The following ANKRD36 variants were observed in gnomAD, a reference collection of about 807,000 sequenced individuals.
ANKRD36 encodes ankyrin repeat domain 36, also known as ankyrin repeat domain-containing protein 36A.
A neutral mutation model predicts 278.1 loss-of-function variants in ANKRD36; 179 were observed. The ratio of observed to expected loss-of-function variants is 0.64; its 90% CI spans 0.57 to 0.73. The LOEUF is 0.73. Ranked by LOEUF, ANKRD36 falls within the 30% of genes least tolerant of loss-of-function variation. ANKRD36 has a pLI of 0.00. For synonymous variants in ANKRD36, 320 were observed against 641.1 expected, an observed-to-expected ratio of 0.50 and a Z score of 7.57; for missense variants, 1,159 against 1,956.7, an observed-to-expected ratio of 0.59 and a Z score of 7.69.
At chr2:97,242,280 C>G (rs1191129805) in intron 69 of ANKRD36, among the ~76,000 whole-genome samples, 1 of 137,898 alleles carries the variant, frequency 7.3e-6, no homozygotes, top group Non-Finnish European at 1.5e-5. Flanking sequence ...TAGTAGGAGA[C>G]TCCCTCTCAA....
chr2:97,222,062 C>T (rs1173097523), intron 66 of ANKRD36, among the ~76,000 whole-genome samples: 1 of 151,734 alleles, frequency 6.6e-6, no homozygotes, highest in African/African-American at 2.4e-5. Flanking sequence ...TTGTTTTTCT[C>T]AGGTTTGTCA....
chr2:97,198,338 A>G (rs1373810865), intron 42 of ANKRD36, 125 bp from the exon 43 acceptor site: 1 of 1,526,774 alleles, frequency 6.5e-7, no homozygotes, highest in East Asian at 2.5e-5. Context: ...GACACAAAGT[A>G]GAAGCCATCA....
At chr2:97,166,874 TTTA>T (rs2050844525) in intron 20 of ANKRD36, among the ~76,000 whole-genome samples, 1 of 152,128 alleles carries the variant, frequency 6.6e-6, no homozygotes, top group Admixed American at 6.6e-5. Context: ...GTATTATTTA[TTTA>T]TTTATTTTAT....
chr2:97,201,261 T>C (rs867028925), intron 46 of ANKRD36, among the ~76,000 whole-genome samples: 1 of 151,888 alleles, frequency 6.6e-6, no homozygotes, highest in Non-Finnish European at 1.5e-5. Context: ...TATGAATATG[T>C]TGGTTTCCTT....
intron 32 of ANKRD36, among the ~76,000 whole-genome samples, chr2:97,188,527 A>T (rs1352960711): frequency 6.7e-6 from 1 of 149,970 alleles, no homozygotes; most frequent in Non-Finnish European, 1.5e-5. Flanking sequence ...AATGAATATT[A>T]TCTACTAGGT....
chr2:97,172,847 G>GTGTGTC (rs1160901872), intron 22 of ANKRD36, among the ~76,000 whole-genome samples: 3 of 151,816 alleles, frequency 2.0e-5, no homozygotes, highest in African/African-American at 7.3e-5. Flanking sequence ...GTGTGTGTGT[G>GTGTGTC]TGTGTGTGTG....
At position 97,209,842 on chromosome 2, in the gene ANKRD36, GAAA is replaced by G; in HGVS notation, c.3342_3344del (p.Lys1115del). 6.3e-7 allele frequency: 1 copy of G among 1,591,848 alleles called. No homozygotes were observed. The highest frequency in any genetic ancestry group is 8.5e-7 in the Non-Finnish European group (1 of 1,172,210). ...AGATTCTGTTTTGTATATAGCCAGAGAAAAAAAGGATGGAGAAAAATCTAGGAC... is the reference window on the plus strand; with the variant it reads ...AGATTCTGTTTTGTATATAGCCAGAGAAAAGGATGGAGAAAAATCTAGGAC... On this transcript the variant is annotated inframe_deletion, in exon 56 of 76. Transcript: ENST00000420699.
At chr2:97,137,793 G>A (rs916094071) in intron 6 of ANKRD36, among the ~76,000 whole-genome samples, 13 of 152,016 alleles carry the variant, frequency 8.6e-5, no homozygotes, top group Admixed American at 2.0e-4. Context: ...TTTAACGATT[G>A]CCATTCTAAA....
At chr2:97,172,935 A>G (rs919283717) in intron 22 of ANKRD36, among the ~76,000 whole-genome samples, 2 of 151,852 alleles carry the variant, frequency 1.3e-5, no homozygotes, top group African/African-American at 2.4e-5. Context: ...TTTCTGTTCC[A>G]TATTTATTTC....
intron 66 of ANKRD36, 132 bp from the exon 67 acceptor site, chr2:97,224,674 T>C (rs369931679): frequency 0.023 from 22,412 of 970,786 alleles, 15 homozygotes; most frequent in African/African-American, 0.18. Flanking sequence ...ATGGTCTCGA[T>C]CTCCTGACCT....
At position 97,217,125 on chromosome 2, in the gene ANKRD36, C is replaced by T. The variant is rs759645907; in HGVS notation, c.3674-52C>T. 203 of 1,537,758 alleles carry T rather than the reference C, an allele frequency of 1.3e-4. 1 individual carries two copies. The highest frequency in any genetic ancestry group is 3.2e-4 in the South Asian group (27 of 83,128). ...TGCTAACACTGCATGAATGTATGGACGACTTTGTCATATTTACATATGATG... is the reference window on the plus strand; with the variant it reads ...TGCTAACACTGCATGAATGTATGGATGACTTTGTCATATTTACATATGATG... On this transcript the variant is annotated intron_variant, in intron 62 of 75. Coordinates refer to ENST00000420699, the MANE Select transcript of ANKRD36 (RefSeq NM_001354587.1).
Position 97,188,923 on chromosome 2 carries a change from A to G in ANKRD36, c.2144-164A>G, listed in dbSNP as rs2058002586. 2.2e-5 allele frequency among the ~76,000 whole-genome samples: 2 copies of G among 89,546 alleles called. 1 individual carries two copies. The highest frequency in any genetic ancestry group is 7.9e-5 in the Non-Finnish European group (2 of 25,428). 58.7% of individuals were successfully genotyped at this position (89,546 alleles called of 152,430 possible). On this transcript the variant is annotated intron_variant, in intron 32 of 75. Transcript: ENST00000420699. ...CATGGAGCCTGTATTCCCTTTTACC[A>G]GTGTATTTCTGTCATGTTCCAGTCC...
intron 64 of ANKRD36, among the ~76,000 whole-genome samples, chr2:97,218,798 A>G (rs1234939626): frequency 1.4e-4 from 21 of 152,066 alleles, no homozygotes; most frequent in Middle Eastern, 3.4e-3. Context: ...TGATATTAAC[A>G]CTTTTTTTTA....
Position 97,149,557 on chromosome 2 carries a change from A to G in ANKRD36, c.1101+196A>G, listed in dbSNP as rs568741019. On this transcript the variant is annotated intron_variant, in intron 12 of 75. Coordinates refer to ENST00000420699, the MANE Select transcript of ANKRD36 (RefSeq NM_001354587.1). The stretch of plus-strand genomic sequence containing the variant: ...TACTTTGGCAAATAAGAAATAGTTG[A>G]TAAATACTTTGAGAGGTGTGATCTG... 7.5e-4 allele frequency among the ~76,000 whole-genome samples: 114 copies of G among 151,810 alleles called. 1 individual carries two copies. The highest frequency in any genetic ancestry group is 1.5e-3 in the Non-Finnish European group (99 of 67,934).
In ANKRD36 at chr2:97,196,193, G is replaced by T. The variant is rs373096869; in HGVS notation, c.2552-400G>T. Reference sequence around the variant, plus strand: ...CATGATGAATGTTTGTAGTATAAAGGTGTAAATCCTTTTGATTTGTTGCGT... The same window carrying T: ...CATGATGAATGTTTGTAGTATAAAGTTGTAAATCCTTTTGATTTGTTGCGT... On this transcript the variant is annotated intron_variant, in intron 40 of 75. Transcript: ENST00000420699. Among the ~76,000 whole-genome samples, 777 of 152,052 alleles carry T rather than the reference G, an allele frequency of 5.1e-3. 8 individuals carry two copies. The highest frequency in any genetic ancestry group is 0.018 in the African/African-American group (745 of 41,512).
chr2:97,234,986 G>T (rs1360091510), intron 68 of ANKRD36, among the ~76,000 whole-genome samples: 3 of 139,640 alleles, frequency 2.1e-5, no homozygotes, highest in Non-Finnish European at 4.5e-5. Flanking sequence ...TTGCTTTGTA[G>T]TATCTTTTGA....
intron 20 of ANKRD36, among the ~76,000 whole-genome samples, chr2:97,166,363 T>C (rs1389117629): frequency 1.3e-5 from 2 of 148,586 alleles, no homozygotes; most frequent in African/African-American, 4.9e-5. Flanking sequence ...GAAGAAGGAA[T>C]TTGTACAAGT....
chr2:97,262,963 A>AT (rs1363326632), intron 75 of ANKRD36, among the ~76,000 whole-genome samples: 2 of 141,820 alleles, frequency 1.4e-5, no homozygotes, highest in African/African-American at 5.0e-5. Context: ...GTCTCAGCTA[A>AT]TTTTTTATAG....
In ANKRD36 at chr2:97,149,292, T is replaced by C. The variant is rs1257851878; in HGVS notation, c.1035-3T>C. The C allele has an allele frequency of 4.6e-6, 7 of 1,533,562 alleles. No individual in the cohort carries two copies. The highest frequency in any genetic ancestry group is 6.1e-6 in the Non-Finnish European group (7 of 1,144,956). 95.0% of individuals were successfully genotyped at this position (1,533,562 alleles called of 1,614,324 possible). On this transcript the variant is annotated splice_region_variant and splice_polypyrimidine_tract_variant and intron_variant, in intron 11 of 75. Coordinates refer to ENST00000420699, the MANE Select transcript of ANKRD36 (RefSeq NM_001354587.1). Reference sequence around the variant, plus strand: ...ATTTTTGTAATATCTTTTTGCTCTGTAGGAGTCTCTACAGACCTGATGCTG... The same window carrying C: ...ATTTTTGTAATATCTTTTTGCTCTGCAGGAGTCTCTACAGACCTGATGCTG...
Sources: allele counts gnomAD v4.1 joint callset (sites outside exome capture counted in the v4.1 genomes callset), GRCh38; gene constraint gnomAD v4.1.1; transcripts MANE v1.5; gene names NCBI Gene and HGNC (gene_info 2026-07-23, HGNC 2026-07-21).